The following GATA4 variants were observed in gnomAD, a reference collection of about 807,000 sequenced individuals.
The protein encoded by GATA4 is transcription factor GATA-4.
GATA4 carries 7 observed loss-of-function variants against 37.9 expected under a neutral mutation model. The observed-to-expected ratio is 0.18, with a 90% CI of 0.11 to 0.35. The LOEUF (loss-of-function observed/expected upper bound fraction) is 0.35. GATA4 is among the 10% of genes least tolerant of loss of function. The pLI, the probability that GATA4 is intolerant of heterozygous loss-of-function variation, is 1.00. For missense variants in GATA4, 647 were observed against 653.0 expected (o/e 0.99, Z 0.10); for synonymous variants, 372 against 292.6 (o/e 1.27, Z -2.77).
In GATA4 at chr8:11,708,951, G is replaced by C. The variant is rs1800037373; in HGVS notation, c.616+23G>C. 3 of 1,516,818 alleles carry C rather than the reference G, an allele frequency of 2.0e-6. No homozygotes were observed. Among genetic ancestry groups the C allele is most frequent in the Non-Finnish European group, 2.6e-6 (3 of 1,139,446 alleles). 94.0% of individuals were successfully genotyped at this position (1,516,818 alleles called of 1,614,324 possible). A position where few individuals can be genotyped will look rare whatever the true frequency, so the allele number is the denominator to read the frequency against. On this transcript the variant is annotated intron_variant, in intron 2 of 6. Coordinates refer to ENST00000532059, the MANE Select transcript of GATA4 (RefSeq NM_001308093.3). The surrounding 1 kb of genome is among the most constrained non-coding windows in gnomAD (Gnocchi z 6.7). The stretch of plus-strand genomic sequence containing the variant: ...TCGGTGAGTAGGAGCGCGAGGGCTG[G>C]GGCGCGTGAGGGCCGGGGCAGGGGC...
rs532193437 is a variant in GATA4, at chr8:11,738,982, C to T, written c.617-9934C>T. 8.4e-4 allele frequency among the ~76,000 whole-genome samples: 128 copies of T among 152,366 alleles called. 1 individual carries two copies. Among genetic ancestry groups the T allele is most frequent in the African/African-American group, 2.9e-3 (120 of 41,578 alleles). On this transcript the variant is annotated intron_variant, in intron 2 of 6. Coordinates refer to ENST00000532059, the MANE Select transcript of GATA4 (RefSeq NM_001308093.3). ...CCCCGAAGGGAGGGCCTCTCCCTTT[C>T]TTTCTGTAGAGTGGGAGGAACAGTT...
In GATA4 at chr8:11,697,684, G is replaced by A. The variant is rs531815381; in HGVS notation, c.-728-2824G>A. 10 of 985,482 alleles carry A rather than the reference G, an allele frequency of 1.0e-5. 1 individual carries two copies. The African/African-American group carries it at 1.7e-4, about 17-fold the overall frequency. 61.0% of individuals were successfully genotyped at this position (985,482 alleles called of 1,614,324 possible). On this transcript the variant is annotated intron_variant, in intron 1 of 2. Coordinates refer to the GATA4 transcript ENST00000526974. ...CGGGTCTTCGCGCCTGCGGACCAGA[G>A]GCTGTTTTCGCACTTGGGCTTCGCG...
At chr8:11,732,586 A>C (rs1356432089) in intron 2 of GATA4, among the ~76,000 whole-genome samples, 1 of 152,208 alleles carries the variant, frequency 6.6e-6, no homozygotes, top group Admixed American at 6.5e-5. Flanking sequence ...TTCAAGATAG[A>C]TGTGATTGAT....
In GATA4 at chr8:11,681,846, A is replaced by G. The variant is rs550111096; in HGVS notation, c.-274+4783A>G. Among the ~76,000 whole-genome samples the G allele has an allele frequency of 2.0e-4, 30 of 152,166 alleles. No individual in the cohort carries two copies. In the South Asian group the frequency reaches 6.2e-3, roughly 32 times the overall value. ...GGCCGTGGGCAGACCCGGCTGATGT[A>G]AGGACTGCAGCTTTTCCCTGGCATA... On this transcript the variant is annotated intron_variant, in intron 1 of 6. Coordinates refer to the GATA4 transcript ENST00000528712.
At chr8:11,716,300 T>A (rs1283272369) in intron 2 of GATA4, among the ~76,000 whole-genome samples, 1 of 152,222 alleles carries the variant, frequency 6.6e-6, no homozygotes, top group Non-Finnish European at 1.5e-5. Flanking sequence ...AACCTGAAAG[T>A]AGCATCTTTT....
Position 11,681,504 on chromosome 8 carries a change from G to C in GATA4, c.-274+4441G>C, listed in dbSNP as rs866954888. 9,560 of 914,678 alleles carry C rather than the reference G, an allele frequency of 0.01. 1,183 individuals carry two copies. The African/African-American group carries it at 0.19, about 18-fold the overall frequency. The allele number at this position is 914,678 out of a possible 1,614,324, so 56.7% of individuals were successfully genotyped here. A position where few individuals can be genotyped will look rare whatever the true frequency, so the allele number is the denominator to read the frequency against. On this transcript the variant is annotated intron_variant, in intron 1 of 6. Transcript: ENST00000528712. ...GGTGCGGCGCTCGCGGGGGGGGGGG[G>C]GGGGATGGGGTCGGTCCCTCTCGGG...
intron 4 of GATA4, among the ~76,000 whole-genome samples, chr8:11,754,438 G>A (rs184994358): frequency 2.0e-5 from 3 of 152,132 alleles, no homozygotes; most frequent in East Asian, 3.9e-4. Context: ...GGATGGTCTC[G>A]AACTCCTGGG....
intron 1 of GATA4, among the ~76,000 whole-genome samples, chr8:11,693,842 G>A (rs1563190659): frequency 6.6e-6 from 1 of 152,188 alleles, no homozygotes; most frequent in Non-Finnish European, 1.5e-5. Flanking sequence ...TTATGGGTGT[G>A]GGTGTCAGTG....
At chr8:11,725,763 C>G (rs951072516) in intron 2 of GATA4, among the ~76,000 whole-genome samples, 1 of 152,194 alleles carries the variant, frequency 6.6e-6, no homozygotes, top group Non-Finnish European at 1.5e-5. Flanking sequence ...TACTCGGCAC[C>G]TTGGCAATCC....
chr8:11,752,352 C>T (rs369862576), intron 4 of GATA4, among the ~76,000 whole-genome samples: 30 of 152,332 alleles, frequency 2.0e-4, no homozygotes, highest in African/African-American at 6.0e-4. Flanking sequence ...AATGGACTCA[C>T]AGTTCCACAT....
chr8:11,708,501 C>T lies in GATA4; in HGVS notation c.189C>T (p.Ser63=). The T allele has an allele frequency of 6.8e-7, 1 of 1,481,184 alleles. No individual in the cohort carries two copies. Among genetic ancestry groups the T allele is most frequent in the African/African-American group, 1.5e-5 (1 of 68,178 alleles). The allele number at this position is 1,481,184 out of a possible 1,614,324, so 91.8% of individuals were successfully genotyped here. ...YLQGGGAGSA[S]GGASGGSSGG... is the part of the protein sequence containing the mutation. ...AGGGCGGAGGCGCGGGCTCTGCGTCCGGAGGCGCCTCGGGCGGCAGCTCCG... is the reference window on the plus strand; with the variant it reads ...AGGGCGGAGGCGCGGGCTCTGCGTCTGGAGGCGCCTCGGGCGGCAGCTCCG... The change falls in exon 2 of 7, where the codon TCC becomes TCT. Residue 63 remains serine, a synonymous_variant. Transcript: ENST00000532059. This position sits in a 1 kb window ranked among gnomAD's most constrained non-coding sequence, Gnocchi z 6.7.
intron 2 of GATA4, among the ~76,000 whole-genome samples, chr8:11,738,848 G>A (rs1236220051): frequency 6.6e-6 from 1 of 152,186 alleles, no homozygotes; most frequent in Non-Finnish European, 1.5e-5. Flanking sequence ...GCCTGGAGAG[G>A]GGCATCATCA....
At chr8:11,684,060 C>T (rs1799062885) in intron 1 of GATA4, among the ~76,000 whole-genome samples, 1 of 152,266 alleles carries the variant, frequency 6.6e-6, no homozygotes, top group South Asian at 2.1e-4. Flanking sequence ...CCCATGTCCT[C>T]AGCCATAACT....
chr8:11,708,345 C>T lies in GATA4; in HGVS notation c.33C>T (p.His11=). 1 of 1,583,772 alleles carries T rather than the reference C, an allele frequency of 6.3e-7. No homozygotes were observed. Residue 11 remains histidine (H), a synonymous_variant, in exon 2 of 7, where the codon CAC becomes CAT. Transcript: ENST00000532059. This position sits in a 1 kb window ranked among gnomAD's most constrained non-coding sequence, Gnocchi z 6.7. ...AGAGCTTGGCCATGGCCGCCAACCA[C>T]GGGCCGCCCCCCGGTGCCTACGAGG... MYQSLAMAAN[H]GPPPGAYEAG...
At chr8:11,729,428 G>A (rs530405382) in intron 2 of GATA4, among the ~76,000 whole-genome samples, 29 of 152,082 alleles carry the variant, frequency 1.9e-4, no homozygotes, top group African/African-American at 6.7e-4. Flanking sequence ...AATTAGCCAG[G>A]CGTGGTGGCA....
intron 2 of GATA4, among the ~76,000 whole-genome samples, chr8:11,732,822 A>T (rs1801274554): frequency 6.6e-6 from 1 of 152,246 alleles, no homozygotes; most frequent in Non-Finnish European, 1.5e-5. Flanking sequence ...CTGCAGTGAA[A>T]TTAAGAGATA....
At position 11,679,678 on chromosome 8, in the gene GATA4, G is replaced by T. The variant is rs578021677; in HGVS notation, c.-274+2615G>T. Among the ~76,000 whole-genome samples the T allele has an allele frequency of 2.8e-3, 419 of 152,330 alleles. 3 individuals are homozygous for T. The highest frequency in any genetic ancestry group is 8.2e-3 in the Admixed American group (126 of 15,308). On this transcript the variant is annotated intron_variant, in intron 1 of 6. Coordinates refer to the GATA4 transcript ENST00000528712. ...CCTTAAAAGTATCCCGGCGAGCCCT[G>T]AGTGGGCCGGGTGCTGGGCGAACAG...
intron 1 of GATA4, among the ~76,000 whole-genome samples, chr8:11,696,056 T>C (rs1025112533): frequency 2.6e-5 from 4 of 152,296 alleles, no homozygotes; most frequent in Admixed American, 2.6e-4. Flanking sequence ...CTGGAGAGAA[T>C]GGGAGCTGAA....
chr8:11,757,177 A>G, intron 6 of GATA4, 94 bp downstream of exon 6: 2 of 1,538,210 alleles, frequency 1.3e-6, no homozygotes, highest in Non-Finnish European at 1.8e-6. Flanking sequence ...ACTTGCAGCC[A>G]GGCCTCACAG....
Sources: gnomAD v4.1 joint callset for allele counts (sites outside exome capture counted in the v4.1 genomes callset) on GRCh38, gnomAD v4.1.1 for gene constraint, Gnocchi (gnomAD v3.1) non-coding constraint, MANE v1.5 for transcripts, NCBI Gene and HGNC (gene_info 2026-07-23, HGNC 2026-07-21) for gene names.